Variants in CTR9 observed in about 807,000 individuals in gnomAD.
CTR9 encodes the protein RNA polymerase-associated protein CTR9 homolog.
CTR9 carries 41 observed loss-of-function variants against 152.1 expected under a neutral mutation model. The ratio of observed to expected loss-of-function variants is 0.27; its 90% CI spans 0.21 to 0.35. The LOEUF (loss-of-function observed/expected upper bound fraction) is 0.35. Among genes scored for constraint, CTR9 ranks in the 10% least tolerant of loss-of-function variants. The pLI, the probability that CTR9 is intolerant of heterozygous loss-of-function variation, is 1.00. For synonymous variants in CTR9, 476 were observed against 496.2 expected (o/e 0.96, Z 0.54); for missense variants, 917 against 1,424.4 (o/e 0.64, Z 5.73).
At chr11:10,774,458 G>C (rs1268312895) in intron 22 of CTR9, 1 of 260,288 alleles carries the variant, frequency 3.8e-6, no homozygotes, top group African/African-American at 2.2e-5. Context: ...TTTAGAATAA[G>C]ACCTGGATTG....
intron 12 of CTR9, among the ~76,000 whole-genome samples, chr11:10,765,612 C>T (rs1204440713): frequency 6.6e-6 from 1 of 152,082 alleles, no homozygotes; most frequent in Non-Finnish European, 1.5e-5. Context: ...CAGGGGCCCA[C>T]GACTACGTCC....
intron 20 of CTR9, 54 bp downstream of exon 20, chr11:10,772,709 A>G: frequency 1.4e-6 from 2 of 1,480,934 alleles, no homozygotes; most frequent in Non-Finnish European, 1.8e-6. Flanking sequence ...GCATGCATAC[A>G]CTTTGTATGT....
In CTR9 at chr11:10,763,885, T is replaced by C; in HGVS notation, c.1194+6T>C. On this transcript the variant is annotated splice_donor_region_variant and intron_variant, in intron 9 of 24. Transcript: ENST00000361367. ...AAAAACGAGATATTGCCAAGGTACA[T>C]CTTTTTTTTAAAGTCTTAGCTGTTT... The C allele has an allele frequency of 1.3e-6, 2 of 1,586,230 alleles. No individual in the cohort carries two copies. The highest frequency in any genetic ancestry group is 1.7e-6 in the Non-Finnish European group (2 of 1,166,866).
rs192808801 is a variant in CTR9 at position 10,760,352 on chromosome 11, A to G, written c.741+31A>G. ...TAAATGAAAAAAGTATCTAGCTCCT[A>G]ACTGCTTTGTCAGGCCCACAGCCTC... On this transcript the variant is annotated intron_variant, in intron 6 of 24. Coordinates refer to ENST00000361367, the MANE Select transcript of CTR9 (RefSeq NM_014633.5). 9 of 1,597,568 alleles carry G rather than the reference A, an allele frequency of 5.6e-6. No individual in the cohort carries two copies. The East Asian group carries it at 2.0e-4, about 36-fold the overall frequency.
intron 24 of CTR9, among the ~76,000 whole-genome samples, chr11:10,776,094 T>C (rs2135386308): frequency 6.6e-6 from 1 of 152,252 alleles, no homozygotes; most frequent in African/African-American, 2.4e-5. Context: ...TTTATCTATT[T>C]ATCTATTTTT....
intron 11 of CTR9, 27 bp from the exon 12 acceptor site, chr11:10,764,521 T>A (rs754845195): frequency 6.2e-7 from 1 of 1,604,788 alleles, no homozygotes; most frequent in Non-Finnish European, 8.5e-7. Flanking sequence ...CTAAATCTTT[T>A]AACAGTGTGA....
intron 6 of CTR9, among the ~76,000 whole-genome samples, chr11:10,761,147 G>A (rs968905965): frequency 6.6e-6 from 1 of 152,052 alleles, no homozygotes; most frequent in Non-Finnish European, 1.5e-5. Context: ...ACAGCATCCC[G>A]GGCCTCTACC....
At chr11:10,751,868 A>G (rs1862807167) in intron 1 of CTR9, among the ~76,000 whole-genome samples, 1 of 152,062 alleles carries the variant, frequency 6.6e-6, no homozygotes, top group South Asian at 2.1e-4. Context: ...CTGGGAATAT[A>G]TAGGAGGTCG....
chr11:10,752,616 A>G lies in CTR9; in HGVS notation c.46-56A>G, dbSNP rs994715211. The stretch of plus-strand genomic sequence containing the variant: ...ATTATATTCACGAAAAGCAGCAAAG[A>G]TGAAATGTGAATTTTAAAGTGGAAT... On this transcript the variant is annotated intron_variant, in intron 1 of 24. Coordinates refer to ENST00000361367, the MANE Select transcript of CTR9 (RefSeq NM_014633.5). The G allele has an allele frequency of 1.2e-5, 15 of 1,250,588 alleles. No homozygotes were observed. In the Admixed American group the frequency reaches 2.6e-4, roughly 21 times the overall value. 77.5% of individuals were successfully genotyped at this position (1,250,588 alleles called of 1,614,324 possible). A position where few individuals can be genotyped will look rare whatever the true frequency, so the allele number is the denominator to read the frequency against.
intron 24 of CTR9, 78 bp from the exon 25 acceptor site, chr11:10,778,601 T>C (rs1260807840): frequency 7.3e-7 from 1 of 1,374,666 alleles, no homozygotes; most frequent in Non-Finnish European, 9.9e-7. Flanking sequence ...CCCTTCTGTT[T>C]TAAAAGCACA....
At position 10,773,112 on chromosome 11, in the gene CTR9, C is replaced by T; in HGVS notation, c.2581-15C>T. The T allele has an allele frequency of 6.3e-7, 1 of 1,583,138 alleles. No individual in the cohort carries two copies. The highest frequency in any genetic ancestry group is 1.2e-5 in the South Asian group (1 of 85,064). ...ATTTGCAGTGGGGTTTCTTTTCTAC[C>T]ATTTTTCCTCATAGGAAGAGAAACG... On this transcript the variant is annotated splice_polypyrimidine_tract_variant and intron_variant, in intron 20 of 24. Coordinates refer to ENST00000361367, the MANE Select transcript of CTR9 (RefSeq NM_014633.5).
At chr11:10,772,804 A>G (rs1863165265) in intron 20 of CTR9, 149 bp downstream of exon 20, 2 of 829,484 alleles carry the variant, frequency 2.4e-6, no homozygotes, top group Admixed American at 3.4e-5. Context: ...TGGAGGGCGG[A>G]TCACTTGAGG....
intron 4 of CTR9, 23 bp from the exon 5 acceptor site, chr11:10,756,726 T>A (rs1862890460): frequency 5.1e-6 from 8 of 1,561,964 alleles, no homozygotes; most frequent in Non-Finnish European, 7.0e-6. Context: ...AGACACTGTG[T>A]TTATTTTTAA....
At position 10,755,155 on chromosome 11, in the gene CTR9, C is replaced by T. The variant is rs780328767; in HGVS notation, c.342C>T (p.Thr114=). 2 of 1,613,448 alleles carry T rather than the reference C, an allele frequency of 1.2e-6. No individual in the cohort carries two copies. The highest frequency in any genetic ancestry group is 1.7e-6 in the Non-Finnish European group (2 of 1,179,576). ...DNKKDLITQA[T]LLYTMADKII... The stretch of plus-strand genomic sequence containing the variant: ...AAAAGGATCTTATTACACAGGCCAC[C>T]TTGTTGTATACAATGGCCGATAAAA... The change falls in exon 3 of 25, where the codon ACC becomes ACT. Residue 114 remains threonine (T), a synonymous_variant. Transcript: ENST00000361367.
chr11:10,775,355 C>A (rs369762271), intron 23 of CTR9, 52 bp downstream of exon 23: 3 of 1,491,986 alleles, frequency 2.0e-6, no homozygotes, highest in African/African-American at 1.4e-5. Context: ...TGAAAGATTG[C>A]AGTACACTAG....
intron 13 of CTR9, 53 bp downstream of exon 13, chr11:10,766,543 C>T: frequency 7.5e-7 from 1 of 1,331,268 alleles, no homozygotes; most frequent in South Asian, 1.3e-5. Context: ...ACTTTTCCTT[C>T]CCCATAAATC....
At position 10,764,573 on chromosome 11, in the gene CTR9, G is replaced by T; in HGVS notation, c.1439G>T (p.Arg480Leu). The T allele has an allele frequency of 6.2e-7, 1 of 1,611,476 alleles. No individual in the cohort carries two copies. Among genetic ancestry groups the T allele is most frequent in the Non-Finnish European group, 8.5e-7 (1 of 1,178,062 alleles). ...AKKYFLASLD[R>L]AKAEAEHDEH... is the part of the protein sequence containing the mutation. ...AAATATTTTTTGGCGTCATTGGACC[G>T]TGCAAAAGCAGAAGCGGAACACGAT... Residue 480 changes from arginine (R) to leucine (L), a missense_variant, in exon 12 of 25, where the codon CGT becomes CTT. Physicochemically the swap from Arg to Leu is moderately radical, Grantham distance 102. Transcript: ENST00000361367.
intron 4 of CTR9, among the ~76,000 whole-genome samples, chr11:10,756,431 G>A (rs1862885641): frequency 6.6e-6 from 1 of 152,088 alleles, no homozygotes; most frequent in Non-Finnish European, 1.5e-5. Flanking sequence ...AAAGGCCCCA[G>A]TATGTGATGT....
In CTR9 at chr11:10,766,415, A is replaced by G. The variant is rs1330378425; in HGVS notation, c.1611A>G (p.Leu537=). The G allele has an allele frequency of 1.2e-6, 2 of 1,609,638 alleles. No homozygotes were observed. Among genetic ancestry groups the G allele is most frequent in the South Asian group, 1.1e-5 (1 of 89,732 alleles). Residue 537 remains leucine (L), a synonymous_variant, in exon 13 of 25, where the codon CTA becomes CTG. Coordinates refer to ENST00000361367, the MANE Select transcript of CTR9 (RefSeq NM_014633.5). ...HPNYVDCYLR[L]GAMARDKGNF... is the part of the protein sequence containing the mutation. The stretch of plus-strand genomic sequence containing the variant: ...ATATGTTTTCAGGCTATTTGCGCCT[A>G]GGAGCCATGGCTAGAGATAAGGGAA...
Sources: gnomAD v4.1 joint callset for allele counts (sites outside exome capture counted in the v4.1 genomes callset) on GRCh38, gnomAD v4.1.1 for gene constraint, MANE v1.5 for transcripts, NCBI Gene and HGNC (gene_info 2026-07-23, HGNC 2026-07-21) for gene names.